CAMKMT: variants seen among roughly 807,000 people sequenced by gnomAD.
CAMKMT encodes CaM KMT.
In CAMKMT, 53 loss-of-function variants were observed where a neutral mutation model predicts 48.0. That is an observed-to-expected ratio of 1.10 (90% CI 0.89 to 1.39). The LOEUF (loss-of-function observed/expected upper bound fraction) is 1.39. Ranked by LOEUF, CAMKMT falls within the 40% of genes most tolerant of loss-of-function variation. The pLI is 0.00. For missense variants in CAMKMT, 428 were observed against 402.7 expected (o/e 1.06, Z -0.54); for synonymous variants, 165 against 152.3 (o/e 1.08, Z -0.61).
At chr2:44,391,350 G>T (rs551357815) in intron 3 of CAMKMT, among the ~76,000 whole-genome samples, 1 of 152,164 alleles carries the variant, frequency 6.6e-6, no homozygotes, top group Non-Finnish European at 1.5e-5. Flanking sequence ...GATAGTGACT[G>T]ATGTGCCTTT....
intron 1 of CAMKMT, 38 bp from the exon 2 acceptor site, chr2:44,372,678 T>C (rs1394291665): frequency 1.9e-6 from 3 of 1,584,168 alleles, no homozygotes; most frequent in Non-Finnish European, 1.7e-6. Flanking sequence ...ACTATATGTT[T>C]AGATAACATG....
chr2:44,565,847 T>C (rs182444452), intron 3 of CAMKMT, among the ~76,000 whole-genome samples: 6 of 152,280 alleles, frequency 3.9e-5, no homozygotes, highest in African/African-American at 1.4e-4. Context: ...TAAAAATAAA[T>C]AGGAAGGCTG....
intron 3 of CAMKMT, among the ~76,000 whole-genome samples, chr2:44,551,185 C>A (rs577004330): frequency 1.3e-5 from 2 of 152,240 alleles, no homozygotes; most frequent in South Asian, 4.1e-4. Context: ...GATCTTTATT[C>A]TCTCAGATTG....
chr2:44,477,020 CA>C (rs931907505), intron 3 of CAMKMT, among the ~76,000 whole-genome samples: 14 of 152,014 alleles, frequency 9.2e-5, no homozygotes, highest in African/African-American at 3.4e-4. Context: ...GTCTCAGAGA[CA>C]TCATTACTAT....
At chr2:44,409,781 A>AT (rs1307529960) in intron 3 of CAMKMT, among the ~76,000 whole-genome samples, 1 of 152,150 alleles carries the variant, frequency 6.6e-6, no homozygotes, top group East Asian at 1.9e-4. Flanking sequence ...TGTTTTTTTA[A>AT]TTGTCAAAAT....
intron 3 of CAMKMT, among the ~76,000 whole-genome samples, chr2:44,559,005 A>G (rs574521121): frequency 6.6e-6 from 1 of 151,150 alleles, no homozygotes; most frequent in African/African-American, 2.5e-5. Flanking sequence ...AGATAGATAG[A>G]TAAACAGACA....
chr2:44,670,013 C>G (rs544554197), intron 3 of CAMKMT, among the ~76,000 whole-genome samples: 3 of 152,218 alleles, frequency 2.0e-5, no homozygotes, highest in East Asian at 3.9e-4. Context: ...CATGTTTTCT[C>G]TCTTGTGAAA....
At chr2:44,554,849 C>T (rs750529704) in intron 3 of CAMKMT, among the ~76,000 whole-genome samples, 2 of 151,986 alleles carry the variant, frequency 1.3e-5, no homozygotes, top group Non-Finnish European at 2.9e-5. Context: ...CACTCCGGCC[C>T]GAGTGACAGA....
chr2:44,521,006 G>A lies in CAMKMT; in HGVS notation c.376+130701G>A, dbSNP rs147648032. Among the ~76,000 whole-genome samples the A allele has an allele frequency of 4.5e-3, 685 of 152,252 alleles. 5 individuals carry two copies. Among genetic ancestry groups the A allele is most frequent in the African/African-American group, 0.016 (644 of 41,534 alleles). On this transcript the variant is annotated intron_variant, in intron 3 of 10. Coordinates refer to ENST00000378494, the MANE Select transcript of CAMKMT (RefSeq NM_024766.5). ...TCTTTTCTTTATAAATTACCCAGTC[G>A]TGGGCATTTCTTCATAGCAGAGTGA...
chr2:44,469,375 G>A, intron 3 of CAMKMT, among the ~76,000 whole-genome samples: 1 of 148,628 alleles, frequency 6.7e-6, no homozygotes, highest in Non-Finnish European at 1.5e-5. Context: ...TAAATAATTT[G>A]GTCATGTTGT....
chr2:44,623,661 C>G (rs1672318465), intron 3 of CAMKMT, among the ~76,000 whole-genome samples: 1 of 151,972 alleles, frequency 6.6e-6, no homozygotes, highest in South Asian at 2.1e-4. Context: ...TCTCTGTGTT[C>G]TTTATTCTGT....
At chr2:44,469,304 C>T (rs1358041102) in intron 3 of CAMKMT, among the ~76,000 whole-genome samples, 2 of 151,248 alleles carry the variant, frequency 1.3e-5, no homozygotes, top group Non-Finnish European at 2.9e-5. Context: ...CTTATTTTTT[C>T]ATTGAGTGTC....
At chr2:44,640,641 G>C (rs1412387481) in intron 3 of CAMKMT, among the ~76,000 whole-genome samples, 1 of 152,138 alleles carries the variant, frequency 6.6e-6, no homozygotes, top group African/African-American at 2.4e-5. Context: ...AAAATTAGTT[G>C]CTGCTACTGC....
intron 3 of CAMKMT, among the ~76,000 whole-genome samples, chr2:44,453,653 G>A (rs1014547306): frequency 1.7e-4 from 26 of 152,004 alleles, no homozygotes; most frequent in African/African-American, 4.6e-4. Context: ...AGTTTATAGC[G>A]CAAACATTTT....
intron 3 of CAMKMT, among the ~76,000 whole-genome samples, chr2:44,479,804 CTTTCT>C (rs1668874432): frequency 6.6e-6 from 1 of 152,144 alleles, no homozygotes; most frequent in Admixed American, 6.5e-5. Flanking sequence ...AGTAGCTTAT[CTTTCT>C]TTTAAGTTCC....
chr2:44,371,719 T>G (rs1679198530), intron 1 of CAMKMT, among the ~76,000 whole-genome samples: 1 of 152,174 alleles, frequency 6.6e-6, no homozygotes, highest in Admixed American at 6.5e-5. Context: ...GAAGCAAATC[T>G]CAGATGTCAT....
chr2:44,409,266 G>A lies in CAMKMT; in HGVS notation c.376+18961G>A, dbSNP rs189845348. On this transcript the variant is annotated intron_variant, in intron 3 of 10. Coordinates refer to ENST00000378494, the MANE Select transcript of CAMKMT (RefSeq NM_024766.5). ...TGTTATGAATCCGGCATTCTTGCAG[G>A]TATGTATTATCTTAATAGTTAGTTG... Among the ~76,000 whole-genome samples the A allele has an allele frequency of 3.2e-4, 48 of 151,402 alleles. No individual in the cohort carries two copies. The East Asian group carries it at 4.5e-3, about 14-fold the overall frequency.
intron 3 of CAMKMT, among the ~76,000 whole-genome samples, chr2:44,690,293 G>C (rs1166427670): frequency 6.6e-6 from 1 of 152,154 alleles, no homozygotes; most frequent in Non-Finnish European, 1.5e-5. Flanking sequence ...GTTGGAGGAG[G>C]CCTCAGAAAT....
At chr2:44,559,923 T>A (rs1668234617) in intron 3 of CAMKMT, among the ~76,000 whole-genome samples, 2 of 152,264 alleles carry the variant, frequency 1.3e-5, no homozygotes, top group Admixed American at 1.3e-4. Context: ...TGACTTTGAA[T>A]AATATTGGTT....
Sources: allele counts gnomAD v4.1 joint callset (sites outside exome capture counted in the v4.1 genomes callset), GRCh38; gene constraint gnomAD v4.1.1; transcripts MANE v1.5; gene names NCBI Gene and HGNC (gene_info 2026-07-23, HGNC 2026-07-21).